The following CLSTN3 variants were observed in gnomAD, a reference collection of about 807,000 sequenced individuals.
CLSTN3 encodes the protein calsyntenin-3.
A neutral mutation model predicts 95.9 loss-of-function variants in CLSTN3; 36 were observed. The ratio of observed to expected loss-of-function variants is 0.38; its 90% CI spans 0.29 to 0.50. The LOEUF (loss-of-function observed/expected upper bound fraction) is 0.50, where lower values mean the gene tolerates loss of function less well. Ranked by LOEUF, CLSTN3 falls within the 20% of genes least tolerant of loss-of-function variation. The pLI, the probability that CLSTN3 is intolerant of heterozygous loss-of-function variation, is 0.95. For synonymous variants in CLSTN3, 481 were observed against 504.0 expected (o/e 0.95, Z 0.61); for missense variants, 1,084 against 1,268.8 (o/e 0.85, Z 2.21).
At chr12:7,151,791 C>T (rs754373239) in intron 16 of CLSTN3, among the ~76,000 whole-genome samples, 1 of 152,156 alleles carries the variant, frequency 6.6e-6, no homozygotes, top group Non-Finnish European at 1.5e-5. Flanking sequence ...CACAGTGGCT[C>T]ATGCCTGTAA....
chr12:7,143,043 T>C lies in CLSTN3; in HGVS notation c.1698+17T>C, dbSNP rs201725476. The stretch of plus-strand genomic sequence containing the variant: ...GGCATGAAGGTATTGCCCCATCCTC[T>C]AGCCCTGTTCTTCCCAGCATGCCCC... On this transcript the variant is annotated intron_variant, in intron 11 of 17. Transcript: ENST00000266546. 4.2e-5 allele frequency: 67 copies of C among 1,608,750 alleles called. No individual in the cohort carries two copies. Among genetic ancestry groups the C allele is most frequent in the Admixed American group, 1.2e-4 (7 of 59,740 alleles).
intron 8 of CLSTN3, among the ~76,000 whole-genome samples, chr12:7,139,681 ACT>A (rs1939495022): frequency 6.6e-6 from 1 of 150,714 alleles, no homozygotes; most frequent in East Asian, 2.0e-4. Flanking sequence ...ATGGAGTCTC[ACT>A]CTGTCACTAG....
chr12:7,139,582 G>A (rs891817374), intron 8 of CLSTN3, among the ~76,000 whole-genome samples: 2 of 151,956 alleles, frequency 1.3e-5, no homozygotes, highest in Non-Finnish European at 2.9e-5. Flanking sequence ...GACAGGAAGT[G>A]TTTTTTGAAG....
rs1162844984 is a variant in CLSTN3 at position 7,135,449 on chromosome 12, T to C, written c.506T>C (p.Ile169Thr). ...LYDRILRVEA[I>T]DGDCSPQYSQ... ...GATCGCATCCTGCGGGTGGAAGCCA[T>C]TGACGGTGACTGCTCCCCCCAGTAC... The change falls in exon 4 of 18, where the codon ATT (isoleucine) becomes ACT (threonine). Residue 169 changes from isoleucine to threonine, a missense_variant. Coordinates refer to ENST00000266546, the MANE Select transcript of CLSTN3 (RefSeq NM_014718.4). 1 of 1,614,008 alleles carries C rather than the reference T, an allele frequency of 6.2e-7. No homozygotes were observed. Among genetic ancestry groups the C allele is most frequent in the Non-Finnish European group, 8.5e-7 (1 of 1,180,010 alleles).
chr12:7,143,583 C>G lies in CLSTN3; in HGVS notation c.1847+272C>G, dbSNP rs116544397. On this transcript the variant is annotated intron_variant, in intron 12 of 17. Transcript: ENST00000266546. Reference sequence around the variant, plus strand: ...TTCCGGGCTTTGATCTTCTCTATGCCTCTGTGCTGATACGTAAAGTGGGAC... The same window carrying G: ...TTCCGGGCTTTGATCTTCTCTATGCGTCTGTGCTGATACGTAAAGTGGGAC... 8.6e-3 allele frequency among the ~76,000 whole-genome samples: 1,312 copies of G among 152,354 alleles called. 21 individuals carry two copies. The highest frequency in any genetic ancestry group is 0.03 in the African/African-American group (1,232 of 41,584).
intron 11 of CLSTN3, 64 bp downstream of exon 11, chr12:7,143,090 C>A: frequency 6.3e-7 from 1 of 1,595,884 alleles, no homozygotes. Flanking sequence ...CCTTGCCCTA[C>A]CCCTCTACCT....
intron 1 of CLSTN3, 92 bp from the exon 2 acceptor site, chr12:7,132,932 G>A (rs1207741675): frequency 6.4e-7 from 1 of 1,561,492 alleles, no homozygotes; most frequent in African/African-American, 1.4e-5. Flanking sequence ...TGATGGTGCT[G>A]GGGTGTGAGT....
At chr12:7,151,341 C>G (rs1217684236) in intron 16 of CLSTN3, among the ~76,000 whole-genome samples, 1 of 152,150 alleles carries the variant, frequency 6.6e-6, no homozygotes, top group Non-Finnish European at 1.5e-5. Context: ...GTTTGTTATA[C>G]CTGATGATGC....
intron 16 of CLSTN3, among the ~76,000 whole-genome samples, chr12:7,155,029 G>T (rs888056486): frequency 6.8e-6 from 1 of 147,410 alleles, no homozygotes; most frequent in African/African-American, 2.7e-5. Context: ...CTGGGAGTGC[G>T]GGGGGCAGAA....
At chr12:7,132,475 G>A in intron 1 of CLSTN3, 1 of 212,176 alleles carries the variant, frequency 4.7e-6, no homozygotes, top group Non-Finnish European at 9.6e-6. Flanking sequence ...CCCATCCTGT[G>A]TTCTGGGAGA....
rs747369055 is a variant in CLSTN3 at position 7,136,279 on chromosome 12, C to T, written c.816C>T (p.Thr272=). 2.5e-6 allele frequency: 4 copies of T among 1,614,120 alleles called. No homozygotes were observed. In the Admixed American group the frequency reaches 6.7e-5, roughly 27 times the overall value. The part of the protein sequence containing the change: ...LALFPGIRLE[T]CDEPLWNIQA... ...TGTTCCCTGGTATCCGCCTGGAGAC[C>T]TGTGATGAACCACTCTGGAACATTC... is the stretch of plus-strand genomic sequence containing the variant. Residue 272 remains threonine (T), a synonymous_variant, in exon 6 of 18, where the codon ACC becomes ACT. Transcript: ENST00000266546.
chr12:7,156,014 A>C (rs1309653767), intron 16 of CLSTN3: 1 of 352,484 alleles, frequency 2.8e-6, no homozygotes, highest in Non-Finnish European at 5.6e-6. Context: ...GTCTGTTGAC[A>C]CATGAGTCTC....
intron 16 of CLSTN3, chr12:7,156,570 GGGCCAGCATGCA>G (rs761915532): frequency 3.3e-5 from 15 of 456,772 alleles, no homozygotes; most frequent in South Asian, 2.3e-4. Context: ...TGGCTGGTGT[GGGCCAGCATGCA>G]GGCTGGCAAA....
Position 7,141,136 on chromosome 12 carries a change from A to T in CLSTN3, c.1324-106A>T. ...AGTAAGCCCTGTTGGTAGAACTGGGAATAAAGGGACTGTCCCCTGTCTCCC... is the reference window on the plus strand; with the variant it reads ...AGTAAGCCCTGTTGGTAGAACTGGGTATAAAGGGACTGTCCCCTGTCTCCC... On this transcript the variant is annotated intron_variant, in intron 8 of 17. Transcript: ENST00000266546. The surrounding 1 kb of genome is among the most constrained non-coding windows in gnomAD (Gnocchi z 4.1). 8.2e-7 allele frequency: 1 copy of T among 1,225,306 alleles called. No individual in the cohort carries two copies. Among genetic ancestry groups the T allele is most frequent in the Admixed American group, 2.3e-5 (1 of 43,514 alleles). 75.9% of individuals were successfully genotyped at this position (1,225,306 alleles called of 1,614,324 possible).
Position 7,130,400 on chromosome 12 carries a change from T to C in CLSTN3, c.-249T>C. On this transcript the variant is annotated 5_prime_UTR_variant, in exon 1 of 18. Coordinates refer to ENST00000266546, the MANE Select transcript of CLSTN3 (RefSeq NM_014718.4). ...TGCAGTAGCGGGGTTGGGGTGGGAG[T>C]GAGAGAGTGAGGACGCTGGGCTGGG... 2 of 1,331,790 alleles carry C rather than the reference T, an allele frequency of 1.5e-6. No homozygotes were observed. Among genetic ancestry groups the C allele is most frequent in the Non-Finnish European group, 1.9e-6 (2 of 1,040,420 alleles). The allele number at this position is 1,331,790 out of a possible 1,614,324, so 82.5% of individuals were successfully genotyped here.
Position 7,150,925 on chromosome 12 carries a change from C to T in CLSTN3, c.2392-3C>T, listed in dbSNP as rs762013177. 5 of 1,588,086 alleles carry T rather than the reference C, an allele frequency of 3.1e-6. No individual in the cohort carries two copies. The highest frequency in any genetic ancestry group is 4.3e-6 in the Non-Finnish European group (5 of 1,164,294). On this transcript the variant is annotated splice_polypyrimidine_tract_variant and splice_region_variant and intron_variant, in intron 15 of 17. Transcript: ENST00000266546. The surrounding 1 kb of genome is among the most constrained non-coding windows in gnomAD (Gnocchi z 4.0). ...GTGCCCATGGAGCCCTCCCTCTGCC[C>T]AGGTCAATGTCCTGCACAGCATGAA... is the stretch of plus-strand genomic sequence containing the variant.
In CLSTN3 at chr12:7,136,401, C is replaced by A. The variant is rs1337069512; in HGVS notation, c.928+10C>A. On this transcript the variant is annotated intron_variant, in intron 6 of 17. Transcript: ENST00000266546. Reference sequence around the variant, plus strand: ...CTGCGGAAACTCTGTGGTAGGTGTGCCCCCAACACTGCCTCAGGCCTATCC... The same window carrying A: ...CTGCGGAAACTCTGTGGTAGGTGTGACCCCAACACTGCCTCAGGCCTATCC... 6.3e-7 allele frequency: 1 copy of A among 1,596,846 alleles called. No individual in the cohort carries two copies.
chr12:7,130,907 C>G, intron 1 of CLSTN3, 195 bp downstream of exon 1: 1 of 638,066 alleles, frequency 1.6e-6, no homozygotes, highest in South Asian at 1.8e-5. Context: ...ATCTTCCTTT[C>G]TGGTCCATCT....
chr12:7,136,101 G>T (rs1342695515), intron 5 of CLSTN3, 105 bp from the exon 6 acceptor site: 22 of 1,507,012 alleles, frequency 1.5e-5, no homozygotes, highest in Non-Finnish European at 1.6e-5. Flanking sequence ...GGGCCATCCT[G>T]CCAGGAGCCC....
Sources: gnomAD v4.1 joint callset for allele counts (sites outside exome capture counted in the v4.1 genomes callset) on GRCh38, gnomAD v4.1.1 for gene constraint, Gnocchi (gnomAD v3.1) non-coding constraint, MANE v1.5 for transcripts, NCBI Gene and HGNC (gene_info 2026-07-23, HGNC 2026-07-21) for gene names.